The following PRKACB variants were observed in gnomAD, a reference collection of about 807,000 sequenced individuals.
The protein encoded by PRKACB is cAMP-dependent protein kinase catalytic subunit beta.
PRKACB carries 16 observed loss-of-function variants against 51.4 expected under a neutral mutation model. That is an observed-to-expected ratio of 0.31 (90% confidence interval 0.21 to 0.47). The LOEUF (loss-of-function observed/expected upper bound fraction) is 0.47, where lower values mean the gene tolerates loss of function less well. Among genes scored for constraint, PRKACB ranks in the 20% least tolerant of loss-of-function variants. The probability of loss-of-function intolerance (pLI) is 1.00; values close to 1 mark genes in which losing one functional copy is unlikely to be tolerated. For synonymous variants in PRKACB, 147 were observed against 154.4 expected, an observed-to-expected ratio of 0.95 and a Z score of 0.35; for missense variants, 309 against 464.5, an observed-to-expected ratio of 0.67 and a Z score of 3.08.
At chr1:84,093,077 T>C (rs780230697) in intron 1 of PRKACB, among the ~76,000 whole-genome samples, 2 of 152,128 alleles carry the variant, frequency 1.3e-5, no homozygotes, top group African/African-American at 2.4e-5. Context: ...TCATACTGTT[T>C]AATAATTTTC....
At chr1:84,233,105 C>G (rs560834188) in intron 9 of PRKACB, among the ~76,000 whole-genome samples, 4 of 151,550 alleles carry the variant, frequency 2.6e-5, no homozygotes, top group African/African-American at 9.7e-5. Flanking sequence ...TTAGGGCAGG[C>G]CTGGTGGTGA....
chr1:84,229,088 C>T (rs539504267), intron 9 of PRKACB, among the ~76,000 whole-genome samples: 2 of 128,216 alleles, frequency 1.6e-5, no homozygotes, highest in Admixed American at 8.2e-5. Context: ...CCCCTCCCCC[C>T]ACCCCGTAAC....
At chr1:84,135,088 A>C (rs903908660) in intron 1 of PRKACB, among the ~76,000 whole-genome samples, 1 of 152,206 alleles carries the variant, frequency 6.6e-6, no homozygotes, top group Non-Finnish European at 1.5e-5. Context: ...AAGATATACC[A>C]TATAATCACT....
chr1:84,146,426 G>A (rs1034475324), intron 1 of PRKACB, among the ~76,000 whole-genome samples: 1 of 151,892 alleles, frequency 6.6e-6, no homozygotes, highest in African/African-American at 2.4e-5. Flanking sequence ...CACTGATAGA[G>A]CTGAAATAGA....
At chr1:84,111,619 A>G (rs1429542928) in intron 1 of PRKACB, among the ~76,000 whole-genome samples, 2 of 152,102 alleles carry the variant, frequency 1.3e-5, no homozygotes, top group Non-Finnish European at 1.5e-5. Flanking sequence ...CTGGGTAAGT[A>G]TATGTATATT....
intron 5 of PRKACB, among the ~76,000 whole-genome samples, chr1:84,194,832 G>A (rs1031401045): frequency 6.6e-6 from 1 of 151,974 alleles, no homozygotes; most frequent in African/African-American, 2.4e-5. Flanking sequence ...CAGCTACTCG[G>A]TAGACTGAGG....
chr1:84,172,018 A>C (rs546488282), intron 1 of PRKACB, among the ~76,000 whole-genome samples: 6 of 151,720 alleles, frequency 4.0e-5, no homozygotes, highest in Non-Finnish European at 8.9e-5. Flanking sequence ...AGGGATATTT[A>C]CCTAATCTTT....
Position 84,236,063 on chromosome 1 carries a change from A to G in PRKACB, c.*758A>G, listed in dbSNP as rs1412590224. On this transcript the variant is annotated 3_prime_UTR_variant, in exon 10 of 10. Transcript: ENST00000370685. ...GCAGGAAAAACTAATGATATGGATCATCACCCAGATTCTCTCACTTGGTAC... is the reference window on the plus strand; with the variant it reads ...GCAGGAAAAACTAATGATATGGATCGTCACCCAGATTCTCTCACTTGGTAC... The G allele has an allele frequency of 1.3e-5, 2 of 152,660 alleles. No homozygotes were observed. Among genetic ancestry groups the G allele is most frequent in the Non-Finnish European group, 2.9e-5 (2 of 68,042 alleles). 9.5% of individuals were successfully genotyped at this position (152,660 alleles called of 1,614,324 possible). A position where few individuals can be genotyped will look rare whatever the true frequency, so the allele number is the denominator to read the frequency against.
chr1:84,146,504 C>G (rs111504412), intron 1 of PRKACB, among the ~76,000 whole-genome samples: 1 of 151,786 alleles, frequency 6.6e-6, no homozygotes, highest in African/African-American at 2.4e-5. Context: ...ATTTATTTGG[C>G]GAATGAGTTA....
upstream of PRKACB, among the ~76,000 whole-genome samples, chr1:84,141,541 A>C (rs899342081): frequency 4.6e-5 from 7 of 152,228 alleles, no homozygotes; most frequent in South Asian, 6.2e-4. Context: ...AAACAATTTT[A>C]TTTTTAAAAC....
At chr1:84,127,027 C>T (rs997388248) in intron 1 of PRKACB, among the ~76,000 whole-genome samples, 1 of 152,178 alleles carries the variant, frequency 6.6e-6, no homozygotes, top group Non-Finnish European at 1.5e-5. Context: ...TAGTCATACT[C>T]TTTTTGCCTT....
intron 1 of PRKACB, among the ~76,000 whole-genome samples, chr1:84,099,086 G>T (rs1224412358): frequency 6.6e-6 from 1 of 152,000 alleles, no homozygotes; most frequent in African/African-American, 2.4e-5. Context: ...CATATTAAAT[G>T]AATTTAGATA....
At chr1:84,230,568 G>A (rs1332084848) in intron 9 of PRKACB, among the ~76,000 whole-genome samples, 4 of 151,588 alleles carry the variant, frequency 2.6e-5, no homozygotes, top group Admixed American at 2.0e-4. Context: ...CCATGAGCAT[G>A]GAATGTTCTT....
chr1:84,225,137 C>G (rs1345630225), intron 9 of PRKACB, among the ~76,000 whole-genome samples: 1 of 152,120 alleles, frequency 6.6e-6, no homozygotes, highest in Non-Finnish European at 1.5e-5. Context: ...CACACAGATA[C>G]AGACTCTGGT....
intron 1 of PRKACB, among the ~76,000 whole-genome samples, chr1:84,163,447 TG>T (rs905796599): frequency 2.6e-5 from 4 of 152,148 alleles, no homozygotes; most frequent in African/African-American, 9.6e-5. Context: ...CTTTTTTCGT[TG>T]ACAATATCAC....
intron 9 of PRKACB, among the ~76,000 whole-genome samples, chr1:84,220,585 T>C (rs776788286): frequency 6.6e-6 from 1 of 152,208 alleles, no homozygotes; most frequent in Non-Finnish European, 1.5e-5. Flanking sequence ...TTGTCATATA[T>C]GACCTTTATT....
In PRKACB at chr1:84,132,509, G is replaced by GA. The variant is rs1021536970; in HGVS notation, c.47-46662dup. 3.3e-5 allele frequency among the ~76,000 whole-genome samples: 5 copies of GA among 152,032 alleles called. 1 individual carries two copies. Among genetic ancestry groups the GA allele is most frequent in the African/African-American group, 7.2e-5 (3 of 41,392 alleles). On this transcript the variant is annotated intron_variant, in intron 1 of 8. Transcript: ENST00000370688. ...AATTAGAAGGCACACCTAAAGGCAA[G>GA]AAAAAACAGTCTGTAGAGATAAAGC...
intron 1 of PRKACB, among the ~76,000 whole-genome samples, chr1:84,089,787 C>T (rs1357763068): frequency 6.6e-6 from 1 of 152,128 alleles, no homozygotes; most frequent in Non-Finnish European, 1.5e-5. Flanking sequence ...GTGTGTGATT[C>T]TTTGATCACA....
intron 7 of PRKACB, among the ~76,000 whole-genome samples, chr1:84,198,118 G>A (rs985971580): frequency 2.0e-5 from 3 of 152,092 alleles, no homozygotes; most frequent in African/African-American, 7.2e-5. Flanking sequence ...TCCTAGTAAC[G>A]GAAGGGTAGA....
Sources: allele counts gnomAD v4.1 joint callset (sites outside exome capture counted in the v4.1 genomes callset), GRCh38; gene constraint gnomAD v4.1.1; transcripts MANE v1.5; gene names NCBI Gene and HGNC (gene_info 2026-07-23, HGNC 2026-07-21).